Variants in BRAT1 observed in about 807,000 individuals in gnomAD.
BRAT1 encodes integrator complex assembly factor BRAT1.
A neutral mutation model predicts 70.6 loss-of-function variants in BRAT1; 74 were observed. That is an observed-to-expected ratio of 1.05 (90% CI 0.87 to 1.27). The LOEUF (loss-of-function observed/expected upper bound fraction) is 1.27, where lower values mean the gene tolerates loss of function less well. Among genes scored for constraint, BRAT1 ranks in the 50% most tolerant of loss-of-function variants. BRAT1 has a pLI of 0.00. For missense variants in BRAT1, 1,203 were observed against 1,098.2 expected, an observed-to-expected ratio of 1.10 and a Z score of -1.35; for synonymous variants, 615 against 517.1, an observed-to-expected ratio of 1.19 and a Z score of -2.57.
chr7:2,539,374 G>A, intron 12 of BRAT1, 23 bp from the exon 13 acceptor site: 1 of 1,589,416 alleles, frequency 6.3e-7, no homozygotes. Context: ...ACGGCCACAT[G>A]CAGCTGTGAC....
intron 2 of BRAT1, among the ~76,000 whole-genome samples, chr7:2,549,671 A>C (rs1173817515): frequency 3.3e-5 from 5 of 152,226 alleles, no homozygotes; most frequent in Non-Finnish European, 5.9e-5. Context: ...CTTATCTGTT[A>C]AAAGAAAGAG....
rs938416768 is a variant in BRAT1 at position 2,541,224 on chromosome 7, G to A, written c.1321+74C>T. On this transcript the variant is annotated intron_variant, in intron 9 of 13. Coordinates refer to ENST00000340611, the MANE Select transcript of BRAT1 (RefSeq NM_152743.4). ...GAAACAGAGAGGGACAGCAGTTCCC[G>A]GGTGCCTCCGAGCAGAAAGGAGAGT... 42 of 1,483,528 alleles carry A rather than the reference G, an allele frequency of 2.8e-5. No individual in the cohort carries two copies. The Admixed American group carries it at 3.1e-4, about 11-fold the overall frequency. The allele number at this position is 1,483,528 out of a possible 1,614,324, so 91.9% of individuals were successfully genotyped here.
At chr7:2,542,926 G>A in intron 6 of BRAT1, 1 of 240,366 alleles carries the variant, frequency 4.2e-6, no homozygotes. Flanking sequence ...GGAGCGCAGG[G>A]CGTCGGCAGG....
chr7:2,551,679 CAAAAAAAAAA>C (rs547879749), intron 2 of BRAT1, among the ~76,000 whole-genome samples: 1 of 93,422 alleles, frequency 1.1e-5, no homozygotes, highest in Non-Finnish European at 2.3e-5. Flanking sequence ...AACCCTGGCT[CAAAAAAAAAA>C]AAAAAGAAAA....
rs1583296135 is a variant in BRAT1 at position 2,539,844 on chromosome 7, G to A, written c.1440C>T (p.Ser480=). 1 of 1,604,762 alleles carries A rather than the reference G, an allele frequency of 6.2e-7. No homozygotes were observed. ...CAGAGCAGCCGGGGGTCTTGGGTGA[G>A]CTCAGGAGCCACCTGAGCGTGGCCT... is the stretch of plus-strand genomic sequence containing the variant. ...AFQATLRWLL[S]SPKTPGCSDL... is the part of the protein sequence containing the mutation. The change falls in exon 11 of 14, where the codon AGC becomes AGT. Residue 480 remains serine, a synonymous_variant. Coordinates refer to ENST00000340611, the MANE Select transcript of BRAT1 (RefSeq NM_152743.4).
At chr7:2,554,108 G>C (rs1372873516) in intron 2 of BRAT1, among the ~76,000 whole-genome samples, 197 bp downstream of exon 2, 1 of 152,192 alleles carries the variant, frequency 6.6e-6, no homozygotes, top group Non-Finnish European at 1.5e-5. Context: ...TAACTCTCCA[G>C]ATCATTCTCT....
Position 2,543,003 on chromosome 7 carries a change from G to A in BRAT1, c.923+201C>T. The stretch of plus-strand genomic sequence containing the variant: ...CCTCTGGGGATCTCGCAGAGCTTTG[G>A]TCTGAAACAATTATTCTGTTGCTAA... On this transcript the variant is annotated intron_variant, in intron 6 of 13. Transcript: ENST00000340611. This position sits in a 1 kb window ranked among gnomAD's most constrained non-coding sequence, Gnocchi z 5.5. 1.9e-6 allele frequency: 1 copy of A among 530,510 alleles called. No individual in the cohort carries two copies. Among genetic ancestry groups the A allele is most frequent in the Non-Finnish European group, 3.1e-6 (1 of 319,984 alleles). 32.9% of individuals were successfully genotyped at this position (530,510 alleles called of 1,614,324 possible). A position where few individuals can be genotyped will look rare whatever the true frequency, so the allele number is the denominator to read the frequency against.
chr7:2,551,634 C>T (rs895129865), intron 2 of BRAT1, among the ~76,000 whole-genome samples: 4 of 149,638 alleles, frequency 2.7e-5, no homozygotes, highest in African/African-American at 7.4e-5. Context: ...GAGCCGTGTT[C>T]ACGCCATTGC....
chr7:2,540,756 C>T (rs1423957765), intron 10 of BRAT1: 1 of 445,942 alleles, frequency 2.2e-6, no homozygotes, highest in Non-Finnish European at 3.9e-6. Flanking sequence ...CCCTGCTCCC[C>T]ACGGCCCCAC....
Position 2,541,036 on chromosome 7 carries a change from C to A in BRAT1, c.1338G>T (p.Val446=). Residue 446 remains valine, a synonymous_variant, in exon 10 of 14, where the codon GTG becomes GTT. Coordinates refer to ENST00000340611, the MANE Select transcript of BRAT1 (RefSeq NM_152743.4). ...LSQGTGPQEL[V]TQALAVLLEC... ...CCAGGAGGACAGCAAGCGCCTGCGT[C>A]ACCAGCTCCTGGGGGCCTGAGACAG... 6.4e-7 allele frequency: 1 copy of A among 1,571,428 alleles called. No individual in the cohort carries two copies. Among genetic ancestry groups the A allele is most frequent in the African/African-American group, 1.4e-5 (1 of 72,038 alleles).
At chr7:2,553,843 G>A (rs1403259271) in intron 2 of BRAT1, among the ~76,000 whole-genome samples, 3 of 149,710 alleles carry the variant, frequency 2.0e-5, no homozygotes, top group African/African-American at 4.9e-5. Flanking sequence ...ATGACGTCTC[G>A]CTATGTTGGA....
intron 3 of BRAT1, 103 bp downstream of exon 3, chr7:2,547,221 T>G: frequency 6.9e-7 from 1 of 1,455,146 alleles, no homozygotes; most frequent in Non-Finnish European, 9.5e-7. Context: ...GGCAGGCCGC[T>G]GGGACTTGGG....
In BRAT1 at chr7:2,538,347, T is replaced by A. The variant is rs1309511191; in HGVS notation, c.2188A>T (p.Ile730Phe). The A allele has an allele frequency of 6.2e-7, 1 of 1,613,254 alleles. No individual in the cohort carries two copies. The highest frequency in any genetic ancestry group is 8.5e-7 in the Non-Finnish European group (1 of 1,179,922). Residue 730 changes from isoleucine to phenylalanine, a missense_variant, in exon 14 of 14, where the codon ATT becomes TTT. Ile to Phe is a conservative substitution (Grantham distance 21, BLOSUM62 0). Coordinates refer to ENST00000340611, the MANE Select transcript of BRAT1 (RefSeq NM_152743.4). ...CDLLLFLRDK[I>F]ASYSSLREAR... ...TCCCGCAGGCTGCTGTAGGAAGCAA[T>A]CTTGTCCCTCAGGAAGAGAAGGAGG...
chr7:2,550,401 G>A (rs1296304703), intron 2 of BRAT1, among the ~76,000 whole-genome samples: 1 of 141,398 alleles, frequency 7.1e-6, no homozygotes, highest in Non-Finnish European at 1.5e-5. Context: ...CCAAGAAGTC[G>A]AGGCTGCAGT....
chr7:2,554,831 G>A (rs1780295728), intron 1 of BRAT1, among the ~76,000 whole-genome samples: 1 of 152,170 alleles, frequency 6.6e-6, no homozygotes, highest in African/African-American at 2.4e-5. Context: ...TGTGTGCAAG[G>A]GGATGTCTAC....
In BRAT1 at chr7:2,543,530, C is replaced by T. The variant is rs776832348; in HGVS notation, c.803+60G>A. The T allele has an allele frequency of 5.9e-5, 88 of 1,495,452 alleles. 1 individual carries two copies. Among genetic ancestry groups the T allele is most frequent in the South Asian group, 2.9e-4 (21 of 73,478 alleles). 92.6% of individuals were successfully genotyped at this position (1,495,452 alleles called of 1,614,324 possible). On this transcript the variant is annotated intron_variant, in intron 5 of 13. Coordinates refer to ENST00000340611, the MANE Select transcript of BRAT1 (RefSeq NM_152743.4). The surrounding 1 kb of genome is among the most constrained non-coding windows in gnomAD (Gnocchi z 5.5). ...CGGCTGCCAGTGGGACATCCCTGGG[C>T]GTTATCCGAGGAAAACAGTTGCCCA...
At position 2,547,174 on chromosome 7, in the gene BRAT1, TA is replaced by T. The variant is rs988028402; in HGVS notation, c.282+149del. 60 of 1,029,370 alleles carry T rather than the reference TA, an allele frequency of 5.8e-5. 1 individual carries two copies. In the Admixed American group the frequency reaches 1.4e-3, roughly 25 times the overall value. 63.8% of individuals were successfully genotyped at this position (1,029,370 alleles called of 1,614,324 possible). The stretch of plus-strand genomic sequence containing the variant: ...TTTCAAAGGGGGCTACAGTCGGGGG[TA>T]AAAAACATGCAGTTCTAGTGAGGAC... On this transcript the variant is annotated intron_variant, in intron 3 of 13. Transcript: ENST00000340611.
intron 4 of BRAT1, 102 bp from the exon 5 acceptor site, chr7:2,544,064 C>A: frequency 1.0e-6 from 1 of 981,288 alleles, no homozygotes; most frequent in Non-Finnish European, 1.4e-6. Flanking sequence ...GAGGGCCCCC[C>A]AAGATGCCCC....
chr7:2,545,496 C>CTTTTTTTTTT (rs71550356), intron 3 of BRAT1, among the ~76,000 whole-genome samples: 8 of 130,026 alleles, frequency 6.2e-5, no homozygotes, highest in Admixed American at 3.1e-4. Context: ...CTTTCTTCTT[C>CTTTTTTTTTT]TTTTTTTTTT....
Sources: allele counts gnomAD v4.1 joint callset (sites outside exome capture counted in the v4.1 genomes callset), GRCh38; gene constraint gnomAD v4.1.1; non-coding constraint Gnocchi (gnomAD v3.1); transcripts MANE v1.5; gene names NCBI Gene and HGNC (gene_info 2026-07-23, HGNC 2026-07-21).